USH2A: variants seen among roughly 807,000 people sequenced by gnomAD.
USH2A encodes Usher syndrome 2A (autosomal recessive, mild).
USH2A carries 443 observed loss-of-function variants against 538.9 expected under a neutral mutation model. The observed-to-expected ratio is 0.82, with a 90% CI of 0.76 to 0.89. The LOEUF is 0.89. Among genes scored for constraint, USH2A ranks in the 40% least tolerant of loss-of-function variants. The pLI is 0.00. For missense variants in USH2A, 6,633 were observed against 6,324.8 expected (o/e 1.05, Z -1.65); for synonymous variants, 2,413 against 2,273.5 (o/e 1.06, Z -1.75).
intron 21 of USH2A, among the ~76,000 whole-genome samples, chr1:216,168,427 A>G (rs2034211427): frequency 6.6e-6 from 1 of 152,174 alleles, no homozygotes; most frequent in African/African-American, 2.4e-5. Context: ...TATGACAGTG[A>G]AAGAGACCTG....
intron 66 of USH2A, among the ~76,000 whole-genome samples, chr1:215,648,232 A>G (rs960737881): frequency 6.6e-5 from 10 of 152,250 alleles, no homozygotes; most frequent in African/African-American, 1.7e-4. Context: ...ACCATTAGGA[A>G]GAGCATATTG....
At chr1:215,854,139 T>G (rs547002436) in intron 44 of USH2A, among the ~76,000 whole-genome samples, 71 of 152,282 alleles carry the variant, frequency 4.7e-4, no homozygotes, top group African/African-American at 1.7e-3. Flanking sequence ...TCCACATGGC[T>G]TGGGAGGCCT....
intron 46 of USH2A, among the ~76,000 whole-genome samples, chr1:215,839,388 T>A (rs1663615278): frequency 6.6e-6 from 1 of 152,172 alleles, no homozygotes; most frequent in Non-Finnish European, 1.5e-5. Flanking sequence ...TCGTATTGAT[T>A]CCTCATAACT....
At chr1:216,185,706 CT>C (rs1311677602) in intron 20 of USH2A, among the ~76,000 whole-genome samples, 3 of 151,880 alleles carry the variant, frequency 2.0e-5, no homozygotes, top group Non-Finnish European at 4.4e-5. Context: ...ACTTTTATTA[CT>C]CTCCTATAGC....
intron 58 of USH2A, among the ~76,000 whole-genome samples, chr1:215,755,770 T>C (rs1285069753): frequency 6.6e-6 from 1 of 152,210 alleles, no homozygotes; most frequent in Non-Finnish European, 1.5e-5. Flanking sequence ...ATGAACAATT[T>C]ATACAAAGCC....
chr1:216,296,219 T>C (rs888389434), intron 9 of USH2A, among the ~76,000 whole-genome samples: 13 of 152,054 alleles, frequency 8.5e-5, no homozygotes, highest in African/African-American at 3.1e-4. Flanking sequence ...TAATAATTGG[T>C]AAAAAATAAT....
At chr1:216,011,762 T>C (rs1384581312) in intron 32 of USH2A, among the ~76,000 whole-genome samples, 2 of 152,030 alleles carry the variant, frequency 1.3e-5, no homozygotes, top group African/African-American at 2.4e-5. Context: ...CTGACGCATA[T>C]ACTTTCTGCT....
intron 27 of USH2A, among the ~76,000 whole-genome samples, chr1:216,075,263 A>G (rs1018305280): frequency 1.3e-5 from 2 of 152,176 alleles, no homozygotes; most frequent in African/African-American, 4.8e-5. Flanking sequence ...GCTGAGCTCT[A>G]GTGCAGGGTC....
chr1:215,743,121 T>C, intron 59 of USH2A, 56 bp downstream of exon 59: 1 of 1,586,382 alleles, frequency 6.3e-7, no homozygotes, highest in South Asian at 1.1e-5. Context: ...TAATGAAATT[T>C]TTTAATGAAA....
chr1:215,955,244 A>G (rs917155978), intron 37 of USH2A, among the ~76,000 whole-genome samples: 1 of 152,228 alleles, frequency 6.6e-6, no homozygotes, highest in Admixed American at 6.5e-5. Context: ...TCAGATGTTG[A>G]AAGCATAGTG....
chr1:215,664,521 C>CCAAT (rs1657543755), intron 64 of USH2A, among the ~76,000 whole-genome samples: 1 of 152,122 alleles, frequency 6.6e-6, no homozygotes, highest in African/African-American at 2.4e-5. Flanking sequence ...ATTACAAAAA[C>CCAAT]CAATCAAGAG....
At chr1:216,272,712 A>G (rs1356350976) in intron 11 of USH2A, among the ~76,000 whole-genome samples, 2 of 152,086 alleles carry the variant, frequency 1.3e-5, no homozygotes, top group East Asian at 3.9e-4. Context: ...GGCAGAGGAA[A>G]AATTATGTTT....
intron 20 of USH2A, among the ~76,000 whole-genome samples, chr1:216,187,553 T>C (rs2102652431): frequency 6.6e-6 from 1 of 152,052 alleles, no homozygotes; most frequent in Non-Finnish European, 1.5e-5. Context: ...CTAAGTTTTA[T>C]TTTCACAATA....
At chr1:216,041,697 A>G (rs1379007228) in intron 32 of USH2A, among the ~76,000 whole-genome samples, 1 of 152,102 alleles carries the variant, frequency 6.6e-6, no homozygotes, top group Admixed American at 6.6e-5. Flanking sequence ...CTCGTGGAGA[A>G]GTCTCAAAAT....
chr1:215,796,726 C>T (rs1057192218), intron 50 of USH2A, among the ~76,000 whole-genome samples: 4 of 152,138 alleles, frequency 2.6e-5, no homozygotes, highest in African/African-American at 9.7e-5. Context: ...AAATCAAAAG[C>T]TAGGAATGAT....
chr1:215,858,393 G>T (rs1320059739), intron 44 of USH2A, among the ~76,000 whole-genome samples: 1 of 151,296 alleles, frequency 6.6e-6, no homozygotes, highest in Admixed American at 6.6e-5. Context: ...GATTACGGGG[G>T]TGGTTTCCCC....
At chr1:216,091,656 G>A (rs114328943) in intron 22 of USH2A, among the ~76,000 whole-genome samples, 7,370 of 152,056 alleles carry the variant, frequency 0.048, 249 homozygotes, top group Middle Eastern at 0.1. Flanking sequence ...TAGCCTCTAC[G>A]TTGTATTAAA....
At chr1:215,763,811 T>C (rs1014515784) in intron 56 of USH2A, among the ~76,000 whole-genome samples, 3 of 152,090 alleles carry the variant, frequency 2.0e-5, no homozygotes, top group African/African-American at 7.2e-5. Flanking sequence ...CTTATAGCTA[T>C]GAGGATCTGA....
chr1:215,904,560 T>A (rs1571799211), intron 38 of USH2A, among the ~76,000 whole-genome samples: 1 of 152,052 alleles, frequency 6.6e-6, no homozygotes, highest in African/African-American at 2.4e-5. Context: ...AAGCAATAAC[T>A]GGGAGCCAGC....
Sources: allele counts gnomAD v4.1 joint callset (sites outside exome capture counted in the v4.1 genomes callset), GRCh38; gene constraint gnomAD v4.1.1; transcripts MANE v1.5; gene names NCBI Gene and HGNC (gene_info 2026-07-23, HGNC 2026-07-21).